The following MZT1 variants were observed in gnomAD, a reference collection of about 807,000 sequenced individuals.
MZT1 encodes mitotic spindle organizing protein 1, also known as mitotic-spindle organizing protein 1.
MZT1 carries 8 observed loss-of-function variants against 8.5 expected under a neutral mutation model. The ratio of observed to expected loss-of-function variants is 0.94; its 90% CI spans 0.55 to 1.70. The LOEUF (loss-of-function observed/expected upper bound fraction) is 1.70, where lower values mean the gene tolerates loss of function less well. Among genes scored for constraint, MZT1 ranks in the 40% most tolerant of loss-of-function variants. The probability of loss-of-function intolerance (pLI) is 0.00; values close to 1 mark genes in which losing one functional copy is unlikely to be tolerated. For synonymous variants in MZT1, 38 were observed against 42.0 expected (o/e 0.90, Z 0.37); for missense variants, 93 against 108.6 (o/e 0.86, Z 0.64).
At chr13:72,711,591 G>T (rs2032489300) in intron 2 of MZT1, among the ~76,000 whole-genome samples, 1 of 151,238 alleles carries the variant, frequency 6.6e-6, no homozygotes, top group African/African-American at 2.4e-5. Flanking sequence ...TCCAAAAAAA[G>T]AGACAATAAA....
At chr13:72,711,783 T>C (rs2138005778) in intron 2 of MZT1, among the ~76,000 whole-genome samples, 1 of 151,122 alleles carries the variant, frequency 6.6e-6, no homozygotes, top group East Asian at 1.9e-4. Context: ...GTAAAGCCAA[T>C]AAAAGGGTGG....
At chr13:72,723,181 C>G (rs2032606906) in intron 1 of MZT1, among the ~76,000 whole-genome samples, 7 of 152,202 alleles carry the variant, frequency 4.6e-5, no homozygotes, top group Admixed American at 3.3e-4. Flanking sequence ...TTTGTTCTTG[C>G]TTTTCTCCTC....
intron 2 of MZT1, among the ~76,000 whole-genome samples, chr13:72,716,710 G>C (rs2032538753): frequency 6.6e-6 from 1 of 152,120 alleles, no homozygotes; most frequent in Admixed American, 6.5e-5. Flanking sequence ...TATATAAAAA[G>C]GGAAATAAAA....
chr13:72,713,975 T>A (rs1391441912), intron 2 of MZT1, among the ~76,000 whole-genome samples: 1 of 152,238 alleles, frequency 6.6e-6, no homozygotes, highest in Non-Finnish European at 1.5e-5. Context: ...TTCTGCCATA[T>A]GAAAGCCAAA....
In MZT1 at chr13:72,710,146, C is replaced by T; in HGVS notation, c.*176G>A. On this transcript the variant is annotated 3_prime_UTR_variant, in exon 3 of 3. Coordinates refer to ENST00000377818, the MANE Select transcript of MZT1 (RefSeq NM_001071775.3). ...TGTGATGTAAACACATCTGATAGTTCTCTCTGTAAGCCACTTTCCACTGAT... is the reference window on the plus strand; with the variant it reads ...TGTGATGTAAACACATCTGATAGTTTTCTCTGTAAGCCACTTTCCACTGAT... 3.3e-6 allele frequency: 2 copies of T among 614,028 alleles called. No individual in the cohort carries two copies. Among genetic ancestry groups the T allele is most frequent in the Non-Finnish European group, 5.8e-6 (2 of 347,086 alleles). The allele number at this position is 614,028 out of a possible 1,614,324, so 38.0% of individuals were successfully genotyped here.
In MZT1 at chr13:72,718,948, C is replaced by T. The variant is rs775650384; in HGVS notation, c.225+4G>A. On this transcript the variant is annotated splice_donor_region_variant and intron_variant, in intron 2 of 2. Coordinates refer to ENST00000377818, the MANE Select transcript of MZT1 (RefSeq NM_001071775.3). Reference sequence around the variant, plus strand: ...TTTAGAATGAACTAATAGGAATCTCCAACCTTCAGTGCTTCAGTAGCCTTG... The same window carrying T: ...TTTAGAATGAACTAATAGGAATCTCTAACCTTCAGTGCTTCAGTAGCCTTG... The T allele has an allele frequency of 3.8e-6, 6 of 1,559,628 alleles. No individual in the cohort carries two copies. Among genetic ancestry groups the T allele is most frequent in the Non-Finnish European group, 5.2e-6 (6 of 1,163,084 alleles).
chr13:72,716,398 T>C (rs927469087), intron 2 of MZT1, among the ~76,000 whole-genome samples: 2 of 152,142 alleles, frequency 1.3e-5, no homozygotes, highest in Non-Finnish European at 2.9e-5. Context: ...ACATTTTAGC[T>C]CTACAAATGT....
intron 2 of MZT1, among the ~76,000 whole-genome samples, chr13:72,718,308 G>C (rs1197451350): frequency 3.3e-5 from 5 of 152,250 alleles, no homozygotes; most frequent in African/African-American, 1.2e-4. Context: ...ATCTTAATTT[G>C]ATTATATCTG....
chr13:72,721,382 G>A (rs2032592599), intron 1 of MZT1, among the ~76,000 whole-genome samples: 1 of 152,158 alleles, frequency 6.6e-6, no homozygotes, highest in African/African-American at 2.4e-5. Context: ...ACTATCCTCA[G>A]CCCTGTGTAA....
intron 2 of MZT1, among the ~76,000 whole-genome samples, chr13:72,710,651 T>A (rs2032480148): frequency 1.3e-5 from 2 of 152,096 alleles, no homozygotes; most frequent in African/African-American, 4.8e-5. Flanking sequence ...TGCCACAGAC[T>A]TCATTAGTTT....
rs148745644 is a variant in MZT1 at position 72,717,637 on chromosome 13, G to T, written c.225+1315C>A. Among the ~76,000 whole-genome samples, 282 of 152,232 alleles carry T rather than the reference G, an allele frequency of 1.9e-3. 1 individual carries two copies. The highest frequency in any genetic ancestry group is 6.2e-3 in the African/African-American group (258 of 41,530). On this transcript the variant is annotated intron_variant, in intron 2 of 2. Transcript: ENST00000377818. ...TACAGGCATTAAGCCACTGTGCCTG[G>T]CCCATTCTGTCACTTTCTAACAAAG... is the stretch of plus-strand genomic sequence containing the variant.
intron 1 of MZT1, among the ~76,000 whole-genome samples, chr13:72,724,538 T>TG (rs1482044339): frequency 2.3e-5 from 3 of 128,674 alleles, no homozygotes; most frequent in African/African-American, 8.1e-5. Flanking sequence ...CTCTATAACG[T>TG]GTTTTTTTTT....
chr13:72,710,943 T>C (rs78765979), intron 2 of MZT1, among the ~76,000 whole-genome samples: 2,029 of 152,292 alleles, frequency 0.013, 51 homozygotes, highest in African/African-American at 0.046. Context: ...TAAAAAGATA[T>C]AATTTTAAAT....
intron 2 of MZT1, 29 bp downstream of exon 2, chr13:72,718,922 AT>A: frequency 6.5e-7 from 1 of 1,538,964 alleles, no homozygotes; most frequent in South Asian, 1.3e-5. Flanking sequence ...AAGCATCTTT[AT>A]TTAGAATGAA....
At chr13:72,724,718 A>AT (rs1491165274) in intron 1 of MZT1, among the ~76,000 whole-genome samples, 1 of 16,424 alleles carries the variant, frequency 6.1e-5, no homozygotes, top group African/African-American at 7.3e-5. Flanking sequence ...ATATATATAT[A>AT]CATATATATA....
intron 2 of MZT1, among the ~76,000 whole-genome samples, chr13:72,710,869 T>C (rs559340246): frequency 6.6e-6 from 1 of 152,312 alleles, no homozygotes; most frequent in Admixed American, 6.5e-5. Flanking sequence ...TGATACATTA[T>C]TTCTAGAGAC....
intron 1 of MZT1, among the ~76,000 whole-genome samples, chr13:72,726,214 G>T (rs1415501100): frequency 1.3e-5 from 2 of 152,162 alleles, no homozygotes; most frequent in African/African-American, 4.8e-5. Flanking sequence ...TGGATCACCT[G>T]AAGTCAGGAG....
chr13:72,725,268 A>G (rs2138021543), intron 1 of MZT1, among the ~76,000 whole-genome samples: 1 of 152,304 alleles, frequency 6.6e-6, no homozygotes, highest in East Asian at 1.9e-4. Flanking sequence ...AGGCACGACT[A>G]TTTTAAGCGT....
chr13:72,718,438 T>A (rs547145373), intron 2 of MZT1, among the ~76,000 whole-genome samples: 25 of 152,202 alleles, frequency 1.6e-4, no homozygotes, highest in African/African-American at 6.0e-4. Context: ...AAAAACAGAC[T>A]TCTGGGAAAA....
Sources: gnomAD v4.1 joint callset for allele counts (sites outside exome capture counted in the v4.1 genomes callset) on GRCh38, gnomAD v4.1.1 for gene constraint, MANE v1.5 for transcripts, NCBI Gene and HGNC (gene_info 2026-07-23, HGNC 2026-07-21) for gene names.